RAB30: variants seen among roughly 807,000 people sequenced by gnomAD.
RAB30 encodes the protein ras-related protein Rab-30.
A neutral mutation model predicts 25.1 loss-of-function variants in RAB30; 9 were observed. That is an observed-to-expected ratio of 0.36 (90% CI 0.22 to 0.63). RAB30 has a LOEUF of 0.63. Ranked by LOEUF, RAB30 falls within the 20% of genes least tolerant of loss-of-function variation. The pLI is 0.69. For missense variants in RAB30, 140 were observed against 243.5 expected, an observed-to-expected ratio of 0.58 and a Z score of 2.83; for synonymous variants, 77 against 86.4, an observed-to-expected ratio of 0.89 and a Z score of 0.60.
At chr11:83,040,409 T>C (rs1858081301) in intron 1 of RAB30, among the ~76,000 whole-genome samples, 1 of 152,062 alleles carries the variant, frequency 6.6e-6, no homozygotes, top group African/African-American at 2.4e-5. Flanking sequence ...CTGACCAACA[T>C]GGAGAAAGCC....
chr11:82,997,938 C>T (rs923526436), intron 1 of RAB30, among the ~76,000 whole-genome samples: 3 of 152,170 alleles, frequency 2.0e-5, no homozygotes, highest in Non-Finnish European at 4.4e-5. Flanking sequence ...CTGTTCACTC[C>T]TCTGGGCTTT....
chr11:82,983,243 G>A (rs1856675284), intron 4 of RAB30, among the ~76,000 whole-genome samples: 1 of 151,744 alleles, frequency 6.6e-6, no homozygotes, highest in African/African-American at 2.4e-5. Flanking sequence ...TGAGGTGAAA[G>A]GAATAGAAAC....
At position 83,051,924 on chromosome 11, in the gene RAB30, G is replaced by A. The variant is rs150141233; in HGVS notation, c.-9+19767C>T. On this transcript the variant is annotated intron_variant, in intron 1 of 4. Coordinates refer to ENST00000527633, the MANE Select transcript of RAB30 (RefSeq NM_001286060.2). ...TAATTACTCTGGGGTAAATAGTTCT[G>A]GGTATGAGTGTACAACCCTGGCTAG... Among the ~76,000 whole-genome samples the A allele has an allele frequency of 3.2e-3, 481 of 152,282 alleles. 2 individuals carry two copies. Among genetic ancestry groups the A allele is most frequent in the African/African-American group, 0.011 (453 of 41,552 alleles).
At position 82,994,094 on chromosome 11, in the gene RAB30, G is replaced by T. The variant is rs1403294244; in HGVS notation, c.122C>A (p.Thr41Lys). 1 of 1,611,462 alleles carries T rather than the reference G, an allele frequency of 6.2e-7. No homozygotes were observed. The highest frequency in any genetic ancestry group is 8.5e-7 in the Non-Finnish European group (1 of 1,177,730). The part of the protein sequence containing the change: ...QGLFPPGQGA[T>K]IGVDFMIKTV... ...CTTAATCATAAAATCAACTCCAATT[G>T]TGGCTCCTTGACCTGGGGGGAAAAG... The change falls in exon 3 of 5, where the codon ACA becomes AAA. Residue 41 changes from threonine to lysine, a missense_variant. Thr to Lys is a moderately conservative substitution (Grantham distance 78). Coordinates refer to ENST00000527633, the MANE Select transcript of RAB30 (RefSeq NM_001286060.2).
chr11:83,044,201 G>T (rs940320350), intron 1 of RAB30, among the ~76,000 whole-genome samples: 1 of 152,012 alleles, frequency 6.6e-6, no homozygotes, highest in Non-Finnish European at 1.5e-5. Context: ...AAATGAGAAG[G>T]GTATCTTGTA....
chr11:82,986,927 C>G (rs1856748991), intron 4 of RAB30: 1 of 152,152 alleles, frequency 6.6e-6, no homozygotes, highest in Non-Finnish European at 1.5e-5. Flanking sequence ...AGGAACGTTC[C>G]TTTCTAGGAA....
rs368826052 is a variant in RAB30 at position 83,015,958 on chromosome 11, C to T, written c.-8-18634G>A. On this transcript the variant is annotated intron_variant, in intron 1 of 4. Transcript: ENST00000527633. ...TTTGAGACCAGCTTGGGCAACATGA[C>T]GAAACCCTATCTCTACAAAAAATAC... Among the ~76,000 whole-genome samples the T allele has an allele frequency of 5.5e-4, 84 of 152,046 alleles. 1 individual carries two copies. The highest frequency in any genetic ancestry group is 6.8e-3 in the Middle Eastern group (2 of 294).
At chr11:83,027,196 A>C (rs1443955588) in intron 1 of RAB30, among the ~76,000 whole-genome samples, 1 of 152,198 alleles carries the variant, frequency 6.6e-6, no homozygotes, top group African/African-American at 2.4e-5. Context: ...CATCAAGTGA[A>C]AACTAGTGAA....
chr11:83,030,210 T>C (rs999750364), intron 1 of RAB30, among the ~76,000 whole-genome samples: 3 of 152,054 alleles, frequency 2.0e-5, no homozygotes, highest in Non-Finnish European at 4.4e-5. Flanking sequence ...TTAATGTCTT[T>C]TCAATGCCAG....
chr11:83,004,197 T>G (rs1857141389), intron 1 of RAB30, among the ~76,000 whole-genome samples: 1 of 152,216 alleles, frequency 6.6e-6, no homozygotes, highest in South Asian at 2.1e-4. Context: ...TTTATAGCAT[T>G]TGAAATAAGA....
chr11:82,975,168 A>C lies in RAB30; in HGVS notation c.*6997T>G, dbSNP rs1393173150. On this transcript the variant is annotated 3_prime_UTR_variant, in exon 5 of 5. Coordinates refer to ENST00000527633, the MANE Select transcript of RAB30 (RefSeq NM_001286060.2). ...GGGATAAGAGGATTTTACATTTTTA[A>C]AAAATAAATCAATTAACATTCATTG... 1 of 152,114 alleles carries C rather than the reference A, an allele frequency of 6.6e-6. No individual in the cohort carries two copies. Among genetic ancestry groups the C allele is most frequent in the African/African-American group, 2.4e-5 (1 of 41,438 alleles). 9.4% of individuals were successfully genotyped at this position (152,114 alleles called of 1,614,324 possible).
intron 1 of RAB30, among the ~76,000 whole-genome samples, chr11:83,068,618 T>C (rs545154112): frequency 6.6e-6 from 1 of 152,330 alleles, no homozygotes; most frequent in African/African-American, 2.4e-5. Context: ...GCCTCATTCT[T>C]CATTCTAGTC....
chr11:82,985,046 C>A (rs532182258), intron 4 of RAB30, among the ~76,000 whole-genome samples: 1 of 152,110 alleles, frequency 6.6e-6, no homozygotes, highest in African/African-American at 2.4e-5. Flanking sequence ...GGTGCAATCT[C>A]GGCTCACTGT....
At chr11:82,997,166 C>A in intron 2 of RAB30, 58 bp downstream of exon 2, 1 of 1,432,362 alleles carries the variant, frequency 7.0e-7, no homozygotes, top group Non-Finnish European at 9.8e-7. Flanking sequence ...CCCAACCCCT[C>A]AGGCTAGACT....
intron 1 of RAB30, among the ~76,000 whole-genome samples, chr11:83,030,511 T>G (rs1857831448): frequency 6.6e-6 from 1 of 151,682 alleles, no homozygotes. Context: ...AAAAAGTCTT[T>G]TTTTGGCTGC....
intron 1 of RAB30, among the ~76,000 whole-genome samples, chr11:83,031,946 G>T (rs529702670): frequency 9.2e-5 from 14 of 152,146 alleles, no homozygotes; most frequent in Non-Finnish European, 1.8e-4. Flanking sequence ...CACACTATTT[G>T]TTTGGGTTAG....
In RAB30 at chr11:82,974,975, A is replaced by T. The variant is rs1856518869; in HGVS notation, c.*7190T>A. The stretch of plus-strand genomic sequence containing the variant: ...TTTTTTTTTTTTTGCTGAAAACAGA[A>T]ATTTTGCTCACGAGTTAGTTCAAAT... On this transcript the variant is annotated 3_prime_UTR_variant, in exon 5 of 5. Coordinates refer to ENST00000527633, the MANE Select transcript of RAB30 (RefSeq NM_001286060.2). The T allele has an allele frequency of 6.7e-6, 1 of 148,690 alleles. No individual in the cohort carries two copies. The highest frequency in any genetic ancestry group is 6.7e-5 in the Admixed American group (1 of 14,982). 9.2% of individuals were successfully genotyped at this position (148,690 alleles called of 1,614,324 possible).
At chr11:83,061,999 T>TC (rs1201958636) in intron 1 of RAB30, among the ~76,000 whole-genome samples, 1 of 152,048 alleles carries the variant, frequency 6.6e-6, no homozygotes. Flanking sequence ...AGAAAACTCT[T>TC]CCCCCGTGCC....
intron 1 of RAB30, among the ~76,000 whole-genome samples, chr11:83,033,724 C>T (rs774567234): frequency 1.3e-5 from 2 of 152,148 alleles, no homozygotes; most frequent in Non-Finnish European, 2.9e-5. Flanking sequence ...TCCTCTGCTA[C>T]CACACTGGGA....
Sources: gnomAD v4.1 joint callset for allele counts (sites outside exome capture counted in the v4.1 genomes callset) on GRCh38, gnomAD v4.1.1 for gene constraint, MANE v1.5 for transcripts, NCBI Gene and HGNC (gene_info 2026-07-23, HGNC 2026-07-21) for gene names.